Variants in HMGXB3 observed in about 807,000 individuals in gnomAD.
The protein encoded by HMGXB3 is HMG domain-containing protein 3.
HMGXB3 carries 45 observed loss-of-function variants against 121.5 expected under a neutral mutation model. The observed-to-expected ratio is 0.37, with a 90% confidence interval of 0.29 to 0.47. The LOEUF is 0.47. Ranked by LOEUF, HMGXB3 falls within the 20% of genes least tolerant of loss-of-function variation. HMGXB3 has a pLI of 0.99. For missense variants in HMGXB3, 1,376 were observed against 1,602.2 expected, an observed-to-expected ratio of 0.86 and a Z score of 2.41; for synonymous variants, 590 against 624.1, an observed-to-expected ratio of 0.95 and a Z score of 0.81.
chr5:150,051,230 C>T (rs780111865), intron 19 of HMGXB3, among the ~76,000 whole-genome samples: 9 of 152,110 alleles, frequency 5.9e-5, no homozygotes, highest in Non-Finnish European at 1.2e-4. Context: ...GCCAGCAGGC[C>T]AGCCTTTGGC....
In HMGXB3 at chr5:150,003,977, A is replaced by G. The variant is rs78762770; in HGVS notation, c.-2-874A>G. Among the ~76,000 whole-genome samples the G allele has an allele frequency of 3.3e-5, 5 of 151,880 alleles. No homozygotes were observed. In the South Asian group the frequency reaches 1.0e-3, roughly 32 times the overall value. On this transcript the variant is annotated intron_variant, in intron 1 of 19. Transcript: ENST00000502717. ...AACAAAAACAAAAAACCCAAAAACAAACCCTTTTCATTTGCATAGCACTTG... is the reference window on the plus strand; with the variant it reads ...AACAAAAACAAAAAACCCAAAAACAGACCCTTTTCATTTGCATAGCACTTG...
At chr5:150,002,286 A>G (rs1182015129) in intron 1 of HMGXB3, among the ~76,000 whole-genome samples, 1 of 152,154 alleles carries the variant, frequency 6.6e-6, no homozygotes, top group African/African-American at 2.4e-5. Flanking sequence ...ACATTGTCAA[A>G]AGAATTCTTG....
At chr5:150,039,499 T>G (rs1006817158) in intron 13 of HMGXB3, among the ~76,000 whole-genome samples, 5 of 152,192 alleles carry the variant, frequency 3.3e-5, no homozygotes, top group Admixed American at 6.5e-5. Flanking sequence ...TTATCAATTT[T>G]ATAGGTAAAA....
intron 9 of HMGXB3, among the ~76,000 whole-genome samples, chr5:150,028,554 T>A (rs1756296221): frequency 1.7e-5 from 1 of 58,228 alleles, no homozygotes. Flanking sequence ...TATATATATA[T>A]ATATATTTTT....
chr5:150,039,908 A>G (rs1213845897), intron 13 of HMGXB3, among the ~76,000 whole-genome samples: 1 of 152,242 alleles, frequency 6.6e-6, no homozygotes, highest in African/African-American at 2.4e-5. Flanking sequence ...TTTTGTGCAC[A>G]TATAAAATCA....
chr5:150,001,831 C>T (rs190043741), intron 1 of HMGXB3, among the ~76,000 whole-genome samples: 1 of 152,306 alleles, frequency 6.6e-6, no homozygotes, highest in East Asian at 1.9e-4. Context: ...CCGTTTTGCG[C>T]AGGGTGCTTA....
At chr5:150,035,682 G>A (rs968272994) in intron 11 of HMGXB3, among the ~76,000 whole-genome samples, 2 of 152,050 alleles carry the variant, frequency 1.3e-5, no homozygotes, top group African/African-American at 4.8e-5. Context: ...TGCAGTCAAG[G>A]GGTGCACTCA....
chr5:150,049,406 G>A (rs1251211051), intron 18 of HMGXB3, among the ~76,000 whole-genome samples: 3 of 102,170 alleles, frequency 2.9e-5, no homozygotes, highest in South Asian at 3.5e-4. Context: ...ATCTTGGAAC[G>A]GAAACCCCCC....
intron 18 of HMGXB3, among the ~76,000 whole-genome samples, chr5:150,049,046 A>C (rs1756826598): frequency 6.6e-6 from 1 of 152,222 alleles, no homozygotes; most frequent in Non-Finnish European, 1.5e-5. Context: ...CCTAAGATAG[A>C]AAGTAACAGG....
In HMGXB3 at chr5:150,052,475, T is replaced by TGA. The variant is rs1756947180; in HGVS notation, c.*283_*284insGA. ...ATGGAGGGGAGGCTGAGGGAAAGGC[T>TGA]CGTAGCTGGTGGGTTCCGTGGGGCC... On this transcript the variant is annotated 3_prime_UTR_variant, in exon 20 of 20. Transcript: ENST00000502717. 7 of 424,400 alleles carry TGA rather than the reference T, an allele frequency of 1.6e-5. No individual in the cohort carries two copies. In the Admixed American group the frequency reaches 1.9e-4, roughly 12 times the overall value. The allele number at this position is 424,400 out of a possible 1,614,324, so 26.3% of individuals were successfully genotyped here.
Position 150,004,942 on chromosome 5 carries a change from G to A in HMGXB3, c.90G>A (p.Lys30=). 1 of 1,551,584 alleles carries A rather than the reference G, an allele frequency of 6.4e-7. No individual in the cohort carries two copies. The highest frequency in any genetic ancestry group is 1.2e-5 in the South Asian group (1 of 83,988). ...AYCYTSPGPP[K]KKKKYKIHGE... ...GTTACACCTCTCCTGGGCCACCCAA[G>A]AAGAAGAAAAAGTATAAAATACATG... Residue 30 remains lysine, a synonymous_variant, in exon 2 of 20, where the codon AAG becomes AAA. Coordinates refer to ENST00000502717, the MANE Select transcript of HMGXB3 (RefSeq NM_014983.3).
chr5:150,030,975 T>C, intron 10 of HMGXB3, 136 bp downstream of exon 10: 1 of 616,936 alleles, frequency 1.6e-6, no homozygotes, highest in Non-Finnish European at 2.9e-6. Context: ...TTGTTAATGA[T>C]GAAGATCCCA....
In HMGXB3 at chr5:150,027,127, A is replaced by AT. The variant is rs1369967845; in HGVS notation, c.1734+14dup. 6.5e-7 allele frequency: 1 copy of AT among 1,549,200 alleles called. No homozygotes were observed. The highest frequency in any genetic ancestry group is 1.2e-5 in the South Asian group (1 of 83,814). On this transcript the variant is annotated intron_variant, in intron 9 of 19. Coordinates refer to ENST00000502717, the MANE Select transcript of HMGXB3 (RefSeq NM_014983.3). ...CCCTGGTGAGGTGAAGGTAAGGCCC[A>AT]TTTTCCAGAGTGGGAGCTGTTTGAG...
At chr5:150,024,141 TC>T (rs1756165404) in intron 6 of HMGXB3, 120 bp from the exon 7 acceptor site, 1 of 822,070 alleles carries the variant, frequency 1.2e-6, no homozygotes, top group Non-Finnish European at 1.8e-6. Flanking sequence ...GTTAACTTCT[TC>T]CTTTCATGGA....
intron 6 of HMGXB3, among the ~76,000 whole-genome samples, chr5:150,022,963 C>T (rs1385145304): frequency 1.3e-5 from 2 of 150,568 alleles, no homozygotes; most frequent in East Asian, 3.9e-4. Context: ...GGCACACAGG[C>T]TGCATACCAC....
rs79302799 is a variant in HMGXB3 at position 150,035,683 on chromosome 5, G to T, written c.1984-953G>T. 7.0e-3 allele frequency among the ~76,000 whole-genome samples: 1,063 copies of T among 152,094 alleles called. 11 individuals carry two copies. The highest frequency in any genetic ancestry group is 0.024 in the African/African-American group (985 of 41,484). On this transcript the variant is annotated intron_variant, in intron 11 of 19. Coordinates refer to ENST00000502717, the MANE Select transcript of HMGXB3 (RefSeq NM_014983.3). ...CAGATGATGAATTCTGCAGTCAAGG[G>T]GTGCACTCAGAGAACACAAAGCGGG...
chr5:150,036,206 C>G (rs769210258), intron 11 of HMGXB3, among the ~76,000 whole-genome samples: 12 of 152,118 alleles, frequency 7.9e-5, no homozygotes. Context: ...TGTATATAAT[C>G]CTCTCATTTA....
At position 150,036,732 on chromosome 5, in the gene HMGXB3, C is replaced by T. The variant is rs200909791; in HGVS notation, c.2080C>T (p.Arg694Cys). The T allele has an allele frequency of 2.6e-6, 4 of 1,551,506 alleles. No homozygotes were observed. The highest frequency in any genetic ancestry group is 1.2e-5 in the South Asian group (1 of 84,064). Residue 694 changes from arginine (R) to cysteine (C), a missense_variant, in exon 12 of 20, where the codon CGC becomes TGC. Arg to Cys is a radical substitution (Grantham distance 180). This residue lies in a region of HMGXB3 where 1,116 missense variants were observed against 1,369.0 expected (regional missense o/e 0.82). Coordinates refer to ENST00000502717, the MANE Select transcript of HMGXB3 (RefSeq NM_014983.3). ...IQRQSTLQLL[R>C]KVLQIPENES... ...GCGCCAGTCCACACTGCAGCTGCTG[C>T]GCAAAGTCCTGCAGATTCCTGAGAA...
At position 150,037,463 on chromosome 5, in the gene HMGXB3, C is replaced by A; in HGVS notation, c.2349C>A (p.Ala783=). ...CCAGCCGTCTGCAGACAGTGACTGCCCAGGTGAAGATGTGTCTGAACCCCC... is the reference window on the plus strand; with the variant it reads ...CCAGCCGTCTGCAGACAGTGACTGCACAGGTGAAGATGTGTCTGAACCCCC... ...LTASRLQTVT[A]QVKMCLNPHC... is the part of the protein sequence containing the mutation. The change falls in exon 13 of 20, where the codon GCC becomes GCA. Residue 783 remains alanine, a synonymous_variant. Coordinates refer to ENST00000502717, the MANE Select transcript of HMGXB3 (RefSeq NM_014983.3). 1 of 1,551,360 alleles carries A rather than the reference C, an allele frequency of 6.4e-7. No homozygotes were observed. The highest frequency in any genetic ancestry group is 8.7e-7 in the Non-Finnish European group (1 of 1,146,766).
Sources: gnomAD v4.1 joint callset for allele counts (sites outside exome capture counted in the v4.1 genomes callset) on GRCh38, gnomAD v4.1.1 for gene constraint, gnomAD v4.1.1 regional missense constraint, MANE v1.5 for transcripts, NCBI Gene and HGNC (gene_info 2026-07-23, HGNC 2026-07-21) for gene names.